UBE2R2: variants seen among roughly 807,000 people sequenced by gnomAD.
The protein encoded by UBE2R2 is ubiquitin-conjugating enzyme E2 R2.
UBE2R2 carries 1 observed loss-of-function variant against 27.8 expected under a neutral mutation model. The observed-to-expected ratio is 0.04, with a 90% confidence interval of 0.01 to 0.17. UBE2R2 has a LOEUF of 0.17. Ranked by LOEUF, UBE2R2 falls within the 10% of genes least tolerant of loss-of-function variation. The probability of loss-of-function intolerance (pLI) is 1.00; values close to 1 mark genes in which losing one functional copy is unlikely to be tolerated. For missense variants in UBE2R2, 100 were observed against 291.0 expected, an observed-to-expected ratio of 0.34 and a Z score of 4.78; for synonymous variants, 106 against 113.3, an observed-to-expected ratio of 0.94 and a Z score of 0.41.
At chr9:33,904,816 G>A (rs1886585) in intron 3 of UBE2R2, among the ~76,000 whole-genome samples, 10,328 of 152,264 alleles carry the variant, frequency 0.068, 492 homozygotes, top group Non-Finnish European at 0.099. Flanking sequence ...TGGTGGGGCT[G>A]GAGGTGGTGG....
chr9:33,840,307 TCTCA>T (rs1314735103), intron 1 of UBE2R2, among the ~76,000 whole-genome samples: 1 of 152,182 alleles, frequency 6.6e-6, no homozygotes, highest in Non-Finnish European at 1.5e-5. Context: ...CTTCACTCTC[TCTCA>T]GTCATTTCCT....
At chr9:33,825,510 G>A (rs1820297335) in intron 1 of UBE2R2, among the ~76,000 whole-genome samples, 1 of 152,018 alleles carries the variant, frequency 6.6e-6, no homozygotes, top group Non-Finnish European at 1.5e-5. Context: ...CAAAGTGCTG[G>A]GATTACAGGC....
chr9:33,858,053 A>G lies in UBE2R2; in HGVS notation c.178-28828A>G, dbSNP rs979361259. On this transcript the variant is annotated intron_variant, in intron 1 of 4. Transcript: ENST00000263228. ...AATGGAGAGTTTTTTCCCCCACCTC[A>G]CAGAATAATCGCATATAATAAAAGC... 4.6e-5 allele frequency among the ~76,000 whole-genome samples: 7 copies of G among 152,338 alleles called. No homozygotes were observed. The East Asian group carries it at 1.3e-3, about 29-fold the overall frequency.
intron 1 of UBE2R2, among the ~76,000 whole-genome samples, chr9:33,833,451 C>G (rs1820542867): frequency 6.6e-6 from 1 of 152,186 alleles, no homozygotes; most frequent in African/African-American, 2.4e-5. Context: ...GCCTCGGCCT[C>G]CCAAAGTGCT....
At chr9:33,862,020 GT>G (rs1419401237) in intron 1 of UBE2R2, among the ~76,000 whole-genome samples, 1 of 151,112 alleles carries the variant, frequency 6.6e-6, no homozygotes, top group Non-Finnish European at 1.5e-5. Flanking sequence ...TGCCTGACTA[GT>G]TTTTTTTATT....
At chr9:33,824,320 G>T (rs1016329725) in intron 1 of UBE2R2, among the ~76,000 whole-genome samples, 1 of 151,052 alleles carries the variant, frequency 6.6e-6, no homozygotes, top group South Asian at 2.1e-4. Flanking sequence ...GGTGAAACCC[G>T]GTCTCCACTA....
chr9:33,896,281 C>G (rs1016194940), intron 2 of UBE2R2, among the ~76,000 whole-genome samples: 6 of 151,858 alleles, frequency 4.0e-5, no homozygotes, highest in Non-Finnish European at 7.4e-5. Context: ...ACTCAGTTTC[C>G]TTTTTTTCTT....
intron 1 of UBE2R2, among the ~76,000 whole-genome samples, chr9:33,846,573 G>A (rs1188544458): frequency 6.6e-6 from 1 of 152,034 alleles, no homozygotes; most frequent in Admixed American, 6.6e-5. Flanking sequence ...AAATATCCCA[G>A]TACAGCATTA....
intron 1 of UBE2R2, among the ~76,000 whole-genome samples, chr9:33,867,704 T>G (rs576765522): frequency 6.6e-6 from 1 of 152,372 alleles, no homozygotes; most frequent in African/African-American, 2.4e-5. Flanking sequence ...TCAAGTCTTT[T>G]GCTCACTGCA....
Position 33,918,783 on chromosome 9 carries a change from C to A in UBE2R2, c.*1546C>A, listed in dbSNP as rs931720605. ...ACTAGTGTCAACTCCTCCTTTGGCT[C>A]GTAACTCAGAAAGAACCAAAGGGCA... On this transcript the variant is annotated 3_prime_UTR_variant, in exon 5 of 5. Coordinates refer to ENST00000263228, the MANE Select transcript of UBE2R2 (RefSeq NM_017811.4). The A allele has an allele frequency of 6.6e-6, 1 of 152,596 alleles. No homozygotes were observed. The highest frequency in any genetic ancestry group is 1.5e-5 in the Non-Finnish European group (1 of 68,062). 9.5% of individuals were successfully genotyped at this position (152,596 alleles called of 1,614,324 possible).
chr9:33,875,395 A>G (rs1417076922), intron 1 of UBE2R2, among the ~76,000 whole-genome samples: 1 of 152,230 alleles, frequency 6.6e-6, no homozygotes, highest in Non-Finnish European at 1.5e-5. Context: ...TTTAATATTT[A>G]TTAATGCTCC....
intron 1 of UBE2R2, among the ~76,000 whole-genome samples, chr9:33,862,839 T>C (rs1821270838): frequency 6.6e-6 from 1 of 150,544 alleles, no homozygotes; most frequent in South Asian, 2.1e-4. Flanking sequence ...TATATAGAAT[T>C]GTTTAACTTT....
chr9:33,878,543 C>T (rs1288054949), intron 1 of UBE2R2, among the ~76,000 whole-genome samples: 2 of 151,970 alleles, frequency 1.3e-5, no homozygotes, highest in African/African-American at 4.8e-5. Context: ...GCTTGAATCT[C>T]GGAGATGGAG....
intron 1 of UBE2R2, among the ~76,000 whole-genome samples, chr9:33,847,897 A>G (rs965226049): frequency 7.2e-5 from 11 of 151,858 alleles, no homozygotes; most frequent in African/African-American, 2.2e-4. Context: ...GATTACAGGC[A>G]TGTGCCACCA....
At chr9:33,838,153 T>A (rs764955600) in intron 1 of UBE2R2, among the ~76,000 whole-genome samples, 9 of 151,548 alleles carry the variant, frequency 5.9e-5, no homozygotes, top group Non-Finnish European at 1.0e-4. Flanking sequence ...TATGCTTTAT[T>A]TTTTTAATTT....
chr9:33,900,146 T>G (rs773143781), intron 2 of UBE2R2, 28 bp from the exon 3 acceptor site: 10 of 1,570,868 alleles, frequency 6.4e-6, no homozygotes, highest in Non-Finnish European at 4.4e-6. Context: ...TTTGAGTATT[T>G]ACTGAATGTA....
At chr9:33,818,539 A>C (rs1371806435) in intron 1 of UBE2R2, 1 of 143,136 alleles carries the variant, frequency 7.0e-6, no homozygotes, top group African/African-American at 2.5e-5. Flanking sequence ...TAAAAAAAAA[A>C]AAAAAAAAAA....
chr9:33,851,299 C>T (rs540556507), intron 1 of UBE2R2, among the ~76,000 whole-genome samples: 1 of 152,326 alleles, frequency 6.6e-6, no homozygotes, highest in South Asian at 2.1e-4. Flanking sequence ...GTATTTCCTA[C>T]AGACAAGTGC....
At chr9:33,855,141 G>A (rs571051040) in intron 1 of UBE2R2, among the ~76,000 whole-genome samples, 4 of 152,050 alleles carry the variant, frequency 2.6e-5, no homozygotes, top group East Asian at 1.9e-4. Context: ...TGTTTGTTAT[G>A]GTTGTATCTT....
Sources: gnomAD v4.1 joint callset for allele counts (sites outside exome capture counted in the v4.1 genomes callset) on GRCh38, gnomAD v4.1.1 for gene constraint, MANE v1.5 for transcripts, NCBI Gene and HGNC (gene_info 2026-07-23, HGNC 2026-07-21) for gene names.